The following MCPH1 variants were observed in gnomAD, a reference collection of about 807,000 sequenced individuals.
MCPH1 encodes the protein microcephalin 1.
In MCPH1, 104 loss-of-function variants were observed where a neutral mutation model predicts 84.5. The observed-to-expected ratio is 1.23, with a 90% CI of 1.05 to 1.45. The LOEUF is 1.45. Among genes scored for constraint, MCPH1 ranks in the 40% most tolerant of loss-of-function variants. The pLI is 0.00. For missense variants in MCPH1, 1,498 were observed against 1,005.7 expected, an observed-to-expected ratio of 1.49 and a Z score of -6.62; for synonymous variants, 514 against 366.8, an observed-to-expected ratio of 1.40 and a Z score of -4.58.
At chr8:6,641,697 T>G (rs1356479147) in intron 13 of MCPH1, among the ~76,000 whole-genome samples, 3 of 152,184 alleles carry the variant, frequency 2.0e-5, no homozygotes, top group African/African-American at 7.2e-5. Flanking sequence ...TGAGTCATGT[T>G]TGCACCAATG....
At chr8:6,529,506 C>T (rs1180783307) in intron 12 of MCPH1, among the ~76,000 whole-genome samples, 5 of 149,498 alleles carry the variant, frequency 3.3e-5, no homozygotes, top group East Asian at 2.0e-4. Flanking sequence ...GGCTGCAGTG[C>T]GGTGGCACCA....
chr8:6,454,718 T>C (rs956245240), intron 8 of MCPH1, among the ~76,000 whole-genome samples: 4 of 152,208 alleles, frequency 2.6e-5, no homozygotes, highest in African/African-American at 9.6e-5. Flanking sequence ...AGCTCTGTAC[T>C]GAAGACTATT....
chr8:6,521,789 C>T (rs1817390122), intron 12 of MCPH1, among the ~76,000 whole-genome samples: 1 of 152,180 alleles, frequency 6.6e-6, no homozygotes, highest in African/African-American at 2.4e-5. Flanking sequence ...GGGAGAGTTT[C>T]AACTGGGCTG....
At chr8:6,635,273 C>T (rs35533250) in intron 13 of MCPH1, 4,843 of 90,766 alleles carry the variant, frequency 0.053, 148 homozygotes, top group East Asian at 0.19. Context: ...GTGATGATAC[C>T]GACCATGAAG....
At chr8:6,505,126 T>C (rs1272684674) in intron 12 of MCPH1, among the ~76,000 whole-genome samples, 1 of 76,496 alleles carries the variant, frequency 1.3e-5, no homozygotes, top group East Asian at 5.4e-4. Flanking sequence ...AGGTCCTCTT[T>C]AGCCTTACCC....
intron 3 of MCPH1, among the ~76,000 whole-genome samples, chr8:6,430,159 G>C (rs763164614): frequency 6.6e-6 from 1 of 152,246 alleles, no homozygotes; most frequent in Admixed American, 6.5e-5. Flanking sequence ...AACCATACTC[G>C]TTATGCAACC....
At chr8:6,570,122 C>G (rs1826536526) in intron 12 of MCPH1, among the ~76,000 whole-genome samples, 1 of 152,216 alleles carries the variant, frequency 6.6e-6, no homozygotes, top group African/African-American at 2.4e-5. Context: ...GCTTAAATAA[C>G]TTTTCTGCTT....
intron 10 of MCPH1, among the ~76,000 whole-genome samples, chr8:6,480,375 T>C (rs1809043297): frequency 6.6e-6 from 1 of 151,902 alleles, no homozygotes; most frequent in Non-Finnish European, 1.5e-5. Flanking sequence ...CGCCTCGGCC[T>C]CCCAAAGTGC....
chr8:6,453,641 T>C (rs1019651704), intron 8 of MCPH1, among the ~76,000 whole-genome samples: 1 of 152,196 alleles, frequency 6.6e-6, no homozygotes, highest in Non-Finnish European at 1.5e-5. Context: ...GACACACTCA[T>C]GCTTCAAGTA....
intron 12 of MCPH1, among the ~76,000 whole-genome samples, chr8:6,613,039 C>A (rs903205139): frequency 2.6e-5 from 4 of 152,164 alleles, no homozygotes; most frequent in Non-Finnish European, 5.9e-5. Context: ...CTTGAGAAGG[C>A]GAGAGGCATG....
At chr8:6,562,572 G>GTTTTTAAAAACT in intron 12 of MCPH1, 2 of 42,832 alleles carry the variant, frequency 4.7e-5, no homozygotes, top group South Asian at 4.8e-4. Flanking sequence ...TTTTTTTTTT[G>GTTTTTAAAAACT]GTTGTTAAAA....
At chr8:6,477,467 C>G (rs933668747) in intron 9 of MCPH1, 127 bp from the exon 10 acceptor site, 1 of 797,192 alleles carries the variant, frequency 1.3e-6, no homozygotes. Context: ...TTTTCTTTGA[C>G]ATATGCTTAA....
intron 8 of MCPH1, among the ~76,000 whole-genome samples, chr8:6,450,535 A>G (rs2440413): frequency 6.8e-6 from 1 of 147,880 alleles, no homozygotes. Context: ...ATGCTCTGTT[A>G]TGTGTGGGTA....
intron 11 of MCPH1, among the ~76,000 whole-genome samples, chr8:6,493,549 C>A (rs999733466): frequency 6.6e-6 from 1 of 152,122 alleles, no homozygotes; most frequent in African/African-American, 2.4e-5. Flanking sequence ...ATTTAGCTTC[C>A]TGCCCCTTTC....
intron 13 of MCPH1, among the ~76,000 whole-genome samples, chr8:6,622,612 T>C (rs1176927770): frequency 2.0e-5 from 3 of 152,156 alleles, no homozygotes; most frequent in Non-Finnish European, 2.9e-5. Flanking sequence ...CAACACGCAT[T>C]GTCTCTCAGT....
chr8:6,499,750 C>A, intron 11 of MCPH1, 102 bp from the exon 12 acceptor site: 2 of 926,860 alleles, frequency 2.2e-6, no homozygotes, highest in Non-Finnish European at 3.6e-6. Flanking sequence ...TTCAGATCTG[C>A]GGAGTGTATC....
intron 12 of MCPH1, among the ~76,000 whole-genome samples, chr8:6,529,211 T>C (rs1226750699): frequency 6.6e-6 from 1 of 152,138 alleles, no homozygotes; most frequent in Non-Finnish European, 1.5e-5. Flanking sequence ...GACTGTAAAT[T>C]ACCCAGGCCA....
rs1477347802 is a variant in MCPH1, at chr8:6,644,485, C to G, written c.*1436C>G. 2.0e-5 allele frequency: 3 copies of G among 152,126 alleles called. No individual in the cohort carries two copies. Among genetic ancestry groups the G allele is most frequent in the Non-Finnish European group, 2.9e-5 (2 of 68,026 alleles). 9.4% of individuals were successfully genotyped at this position (152,126 alleles called of 1,614,324 possible). On this transcript the variant is annotated 3_prime_UTR_variant, in exon 14 of 14. Transcript: ENST00000344683. Reference sequence around the variant, plus strand: ...AAAGGCTCCTGGAACCGATAAATGACTTAAGTAAAGTTTCAGGATAGTAAA... The same window carrying G: ...AAAGGCTCCTGGAACCGATAAATGAGTTAAGTAAAGTTTCAGGATAGTAAA...
chr8:6,569,227 C>G (rs1415976690), intron 12 of MCPH1, among the ~76,000 whole-genome samples: 1 of 152,152 alleles, frequency 6.6e-6, no homozygotes, highest in Non-Finnish European at 1.5e-5. Context: ...GGCACAACAC[C>G]TGCCCCTCTG....
Sources: allele counts gnomAD v4.1 joint callset (sites outside exome capture counted in the v4.1 genomes callset), GRCh38; gene constraint gnomAD v4.1.1; transcripts MANE v1.5; gene names NCBI Gene and HGNC (gene_info 2026-07-23, HGNC 2026-07-21).